The following MAL variants were observed in gnomAD, a reference collection of about 807,000 sequenced individuals.
MAL encodes the protein myelin and lymphocyte protein.
A neutral mutation model predicts 16.7 loss-of-function variants in MAL; 5 were observed. The observed-to-expected ratio is 0.30, with a 90% CI of 0.16 to 0.63. The LOEUF (loss-of-function observed/expected upper bound fraction) is 0.63. Ranked by LOEUF, MAL falls within the 30% of genes least tolerant of loss-of-function variation. MAL has a pLI of 0.82. For synonymous variants in MAL, 96 were observed against 85.5 expected (o/e 1.12, Z -0.67); for missense variants, 202 against 195.8 (o/e 1.03, Z -0.19).
At chr2:95,045,609 A>T (rs1357952981) in intron 1 of MAL, among the ~76,000 whole-genome samples, 1 of 152,186 alleles carries the variant, frequency 6.6e-6, no homozygotes, top group African/African-American at 2.4e-5. Flanking sequence ...GTGAACGAGG[A>T]AGCAACTTAA....
At chr2:95,033,803 C>T (rs1035585346) in intron 1 of MAL, among the ~76,000 whole-genome samples, 1 of 152,080 alleles carries the variant, frequency 6.6e-6, no homozygotes, top group Non-Finnish European at 1.5e-5. Context: ...ATGGCCATTT[C>T]CAAAGCTGAC....
chr2:95,039,106 A>AGTGAGTG (rs1558659149), intron 1 of MAL, among the ~76,000 whole-genome samples: 2 of 143,122 alleles, frequency 1.4e-5, no homozygotes, highest in South Asian at 2.2e-4. Flanking sequence ...GTGAGTGAGT[A>AGTGAGTG]AGTGTCTGAG....
rs186379664 is a variant in MAL, at chr2:95,044,105, C to T, written c.94-3854C>T. Reference sequence around the variant, plus strand: ...AACGGTAGAGATATTCTGTGTAAGTCCCCTTGAGAGAGAATTTCTCACCTG... The same window carrying T: ...AACGGTAGAGATATTCTGTGTAAGTTCCCTTGAGAGAGAATTTCTCACCTG... On this transcript the variant is annotated intron_variant, in intron 1 of 3. Transcript: ENST00000309988. Among the ~76,000 whole-genome samples the T allele has an allele frequency of 2.5e-3, 379 of 152,286 alleles. 1 individual carries two copies. The highest frequency in any genetic ancestry group is 4.3e-3 in the Non-Finnish European group (292 of 68,040).
Position 95,053,739 on chromosome 2 carries a change from G to C in MAL, c.*284G>C, listed in dbSNP as rs1239867255. ...TTTGTGAAAGGGGACCTTCTTGTTC[G>C]GGGGTGGGAAGTGGCGACCGTGACC... is the stretch of plus-strand genomic sequence containing the variant. On this transcript the variant is annotated 3_prime_UTR_variant, in exon 4 of 4. Transcript: ENST00000309988. 2.4e-6 allele frequency: 1 copy of C among 414,350 alleles called. No individual in the cohort carries two copies. Among genetic ancestry groups the C allele is most frequent in the African/African-American group, 2.0e-5 (1 of 50,836 alleles). The allele number at this position is 414,350 out of a possible 1,614,324, so 25.7% of individuals were successfully genotyped here.
At chr2:95,039,831 G>A (rs1409223480) in intron 1 of MAL, among the ~76,000 whole-genome samples, 1 of 152,098 alleles carries the variant, frequency 6.6e-6, no homozygotes, top group Non-Finnish European at 1.5e-5. Context: ...GAGGTAGGTA[G>A]GGCTAACACA....
chr2:95,027,134 C>T (rs183287096), intron 1 of MAL, among the ~76,000 whole-genome samples: 534 of 152,266 alleles, frequency 3.5e-3, no homozygotes, highest in Admixed American at 7.8e-3. Flanking sequence ...AACGCAGCCC[C>T]ACCGTTTACA....
At chr2:95,045,930 T>G (rs1169773800) in intron 1 of MAL, among the ~76,000 whole-genome samples, 2 of 152,216 alleles carry the variant, frequency 1.3e-5, no homozygotes, top group Non-Finnish European at 2.9e-5. Context: ...TTTGCTCCCA[T>G]TTTTGTAAGA....
chr2:95,038,309 T>C (rs1300439416), intron 1 of MAL, among the ~76,000 whole-genome samples: 11 of 151,462 alleles, frequency 7.3e-5, no homozygotes, highest in African/African-American at 2.7e-4. Flanking sequence ...ACTTGGTGAG[T>C]GAGTGACTGA....
intron 1 of MAL, among the ~76,000 whole-genome samples, chr2:95,035,672 T>C (rs1218142875): frequency 6.7e-6 from 1 of 150,298 alleles, no homozygotes; most frequent in East Asian, 1.9e-4. Context: ...CTTAGATTTT[T>C]TTTTTTTTTT....
intron 3 of MAL, 165 bp from the exon 4 acceptor site, chr2:95,053,216 A>AC: frequency 1.5e-6 from 1 of 664,914 alleles, no homozygotes; most frequent in Admixed American, 2.3e-5. Context: ...TTTGGTGCAC[A>AC]CCTGGGCTCA....
intron 1 of MAL, among the ~76,000 whole-genome samples, chr2:95,040,788 G>T (rs1366980961): frequency 6.6e-6 from 1 of 152,138 alleles, no homozygotes; most frequent in Non-Finnish European, 1.5e-5. Flanking sequence ...GATGATTTTT[G>T]CCACTTGACC....
chr2:95,047,785 G>A (rs1227808182), intron 1 of MAL, among the ~76,000 whole-genome samples, 174 bp from the exon 2 acceptor site: 4 of 152,232 alleles, frequency 2.6e-5, no homozygotes, highest in African/African-American at 9.6e-5. Flanking sequence ...ATCCAGCACA[G>A]GGCCCTGGGG....
In MAL at chr2:95,053,486, G is replaced by A; in HGVS notation, c.*31G>A. ...CAGTAGAACTTGAGCTGAAAACCCAGATGGTGTTAACTGGCCGCCCCACTT... is the reference window on the plus strand; with the variant it reads ...CAGTAGAACTTGAGCTGAAAACCCAAATGGTGTTAACTGGCCGCCCCACTT... On this transcript the variant is annotated 3_prime_UTR_variant, in exon 4 of 4. Transcript: ENST00000309988. The A allele has an allele frequency of 3.2e-6, 5 of 1,556,580 alleles. No individual in the cohort carries two copies. Among genetic ancestry groups the A allele is most frequent in the Non-Finnish European group, 4.4e-6 (5 of 1,127,684 alleles).
intron 1 of MAL, among the ~76,000 whole-genome samples, chr2:95,032,255 T>G (rs756411894): frequency 6.6e-6 from 1 of 152,260 alleles, no homozygotes; most frequent in Non-Finnish European, 1.5e-5. Context: ...CAGAGCATAT[T>G]GTGCTGCCAG....
At chr2:95,049,519 A>C in intron 2 of MAL, 62 bp from the exon 3 acceptor site, 6 of 1,599,234 alleles carry the variant, frequency 3.8e-6, no homozygotes, top group Non-Finnish European at 5.1e-6. Context: ...AGGGGACCTC[A>C]GCTCTGCATC....
At chr2:95,031,361 A>G (rs1674073536) in intron 1 of MAL, among the ~76,000 whole-genome samples, 1 of 152,138 alleles carries the variant, frequency 6.6e-6, no homozygotes, top group Admixed American at 6.5e-5. Flanking sequence ...ACCACTGGGA[A>G]GCTCACACCT....
At chr2:95,053,307 G>T in intron 3 of MAL, 74 bp from the exon 4 acceptor site, 1 of 1,023,564 alleles carries the variant, frequency 9.8e-7, no homozygotes, top group Non-Finnish European at 1.5e-6. Context: ...GCCACGTGGG[G>T]CTGGATGCAG....
chr2:95,050,194 T>C (rs1227732159), intron 3 of MAL, among the ~76,000 whole-genome samples: 1 of 151,970 alleles, frequency 6.6e-6, no homozygotes, highest in African/African-American at 2.4e-5. Context: ...ACCTCATGGG[T>C]CTCCTGACTC....
chr2:95,046,476 ACACGCCTGTC>A (rs1232719889), intron 1 of MAL, among the ~76,000 whole-genome samples: 2 of 152,178 alleles, frequency 1.3e-5, no homozygotes, highest in Non-Finnish European at 2.9e-5. Flanking sequence ...TGGGGTTTGT[ACACGCCTGTC>A]CACAGTGAGG....
Sources: allele counts gnomAD v4.1 joint callset (sites outside exome capture counted in the v4.1 genomes callset), GRCh38; gene constraint gnomAD v4.1.1; transcripts MANE v1.5; gene names NCBI Gene and HGNC (gene_info 2026-07-23, HGNC 2026-07-21).